CKAP5: variants seen among roughly 807,000 people sequenced by gnomAD.
CKAP5 encodes the protein cytoskeleton-associated protein 5.
CKAP5 carries 27 observed loss-of-function variants against 232.8 expected under a neutral mutation model. The ratio of observed to expected loss-of-function variants is 0.12; its 90% confidence interval spans 0.09 to 0.16. The LOEUF (loss-of-function observed/expected upper bound fraction) is 0.16, where lower values mean the gene tolerates loss of function less well. CKAP5 is among the 10% of genes least tolerant of loss of function. The probability of loss-of-function intolerance (pLI) is 1.00; values close to 1 mark genes in which losing one functional copy is unlikely to be tolerated. For missense variants in CKAP5, 1,838 were observed against 2,424.7 expected, an observed-to-expected ratio of 0.76 and a Z score of 5.08; for synonymous variants, 785 against 841.1, an observed-to-expected ratio of 0.93 and a Z score of 1.16.
chr11:46,745,039 G>A (rs577481474), intron 42 of CKAP5, among the ~76,000 whole-genome samples: 75 of 152,312 alleles, frequency 4.9e-4, no homozygotes, highest in African/African-American at 1.7e-3. Context: ...GTGTATTCAT[G>A]GGGAAGAGAA....
intron 3 of CKAP5, among the ~76,000 whole-genome samples, chr11:46,816,639 A>C (rs1272874276): frequency 5.9e-5 from 9 of 152,336 alleles, no homozygotes. Flanking sequence ...CAAACAAAAA[A>C]TTAAAGATCC....
At chr11:46,813,359 T>C (rs1053906889) in intron 4 of CKAP5, among the ~76,000 whole-genome samples, 5 of 152,138 alleles carry the variant, frequency 3.3e-5, no homozygotes, top group African/African-American at 1.2e-4. Context: ...TCCTATATAT[T>C]ATTACTGTTT....
intron 13 of CKAP5, 67 bp downstream of exon 13, chr11:46,795,527 G>T: frequency 7.5e-7 from 1 of 1,324,726 alleles, no homozygotes; most frequent in Non-Finnish European, 1.0e-6. Flanking sequence ...TAATTTTAGA[G>T]GAACAACCAC....
chr11:46,752,233 C>CA (rs1249478199), intron 38 of CKAP5, among the ~76,000 whole-genome samples: 1 of 141,094 alleles, frequency 7.1e-6, no homozygotes, highest in African/African-American at 2.6e-5. Flanking sequence ...CACACACACA[C>CA]GTGTATTATA....
Position 46,743,996 on chromosome 11 carries a change from G to A in CKAP5, c.*27C>T. 1 of 1,611,912 alleles carries A rather than the reference G, an allele frequency of 6.2e-7. No individual in the cohort carries two copies. Among genetic ancestry groups the A allele is most frequent in the Non-Finnish European group, 8.5e-7 (1 of 1,179,856 alleles). On this transcript the variant is annotated 3_prime_UTR_variant, in exon 44 of 44. Coordinates refer to ENST00000529230, the MANE Select transcript of CKAP5 (RefSeq NM_001008938.4). The stretch of plus-strand genomic sequence containing the variant: ...ACTTCTAGTTTAGTAAACTAAAGCT[G>A]CAGGGTGCCGGGGGAGTGGGGCAGC...
intron 5 of CKAP5, 137 bp downstream of exon 5, chr11:46,810,870 G>C: frequency 1.4e-6 from 1 of 732,092 alleles, no homozygotes; most frequent in Non-Finnish European, 2.1e-6. Flanking sequence ...GAGAAAGTTA[G>C]CTATGCTCAG....
At chr11:46,819,708 G>A (rs1017568292) in intron 2 of CKAP5, among the ~76,000 whole-genome samples, 2 of 151,956 alleles carry the variant, frequency 1.3e-5, no homozygotes, top group African/African-American at 2.4e-5. Flanking sequence ...ATTTGGGGCA[G>A]GTGCTATGCT....
At chr11:46,767,300 G>A (rs887583065) in intron 27 of CKAP5, among the ~76,000 whole-genome samples, 9 of 152,142 alleles carry the variant, frequency 5.9e-5, no homozygotes, top group African/African-American at 9.7e-5. Context: ...GATTACAGGC[G>A]TGAGCCACTG....
At chr11:46,746,225 T>C (rs1177379870) in intron 42 of CKAP5, among the ~76,000 whole-genome samples, 3 of 152,076 alleles carry the variant, frequency 2.0e-5, no homozygotes, top group African/African-American at 4.8e-5. Context: ...ACTTTTGCAG[T>C]TGGGTCTGTC....
chr11:46,811,510 C>T (rs961209713), intron 4 of CKAP5, among the ~76,000 whole-genome samples: 2 of 151,880 alleles, frequency 1.3e-5, no homozygotes, highest in Non-Finnish European at 2.9e-5. Context: ...GCATTTTGCT[C>T]TTGTTGCCCA....
intron 13 of CKAP5, among the ~76,000 whole-genome samples, chr11:46,793,854 G>T (rs552878099): frequency 3.3e-5 from 5 of 152,252 alleles, no homozygotes; most frequent in East Asian, 1.9e-4. Context: ...TTGAACCTAG[G>T]GGGTGGAGGT....
At chr11:46,837,840 TG>T (rs959485037) in intron 1 of CKAP5, among the ~76,000 whole-genome samples, 2 of 152,132 alleles carry the variant, frequency 1.3e-5, no homozygotes, top group African/African-American at 4.8e-5. Context: ...AACTAATAAA[TG>T]GGAAAGGAGA....
intron 1 of CKAP5, among the ~76,000 whole-genome samples, chr11:46,845,829 T>G (rs1397142457): frequency 6.6e-6 from 1 of 152,198 alleles, no homozygotes; most frequent in African/African-American, 2.4e-5. Context: ...CGCTTACTTA[T>G]TCATTCACTT....
chr11:46,835,762 T>C (rs1939902675), intron 1 of CKAP5, among the ~76,000 whole-genome samples: 1 of 152,196 alleles, frequency 6.6e-6, no homozygotes, highest in South Asian at 2.1e-4. Flanking sequence ...AAGTGGAATC[T>C]AATCCCTTCA....
At chr11:46,811,323 G>T in intron 4 of CKAP5, 145 bp from the exon 5 acceptor site, 1 of 638,044 alleles carries the variant, frequency 1.6e-6, no homozygotes, top group South Asian at 2.4e-5. Context: ...CAAAAGAAAA[G>T]GAACTCATAA....
Position 46,803,563 on chromosome 11 carries a change from C to A in CKAP5, c.979-2259G>T, listed in dbSNP as rs372868957. The stretch of plus-strand genomic sequence containing the variant: ...GATTACAGATGTGACCTACTGTACC[C>A]AGCCAGATTCTAAAAATTAAATAAA... On this transcript the variant is annotated intron_variant, in intron 8 of 43. Transcript: ENST00000529230. 9.9e-5 allele frequency among the ~76,000 whole-genome samples: 15 copies of A among 152,232 alleles called. 2 individuals carry two copies. Among genetic ancestry groups the A allele is most frequent in the Admixed American group, 7.2e-4 (11 of 15,288 alleles).
chr11:46,822,741 CAAAAAAAAAAAA>C (rs57170422), intron 1 of CKAP5, among the ~76,000 whole-genome samples: 1 of 77,876 alleles, frequency 1.3e-5, no homozygotes, highest in African/African-American at 5.0e-5. Context: ...GACTCCGTCC[CAAAAAAAAAAAA>C]AAAAAAAAAA....
intron 28 of CKAP5, among the ~76,000 whole-genome samples, chr11:46,763,986 C>G (rs1411663806): frequency 6.6e-6 from 1 of 152,176 alleles, no homozygotes; most frequent in Middle Eastern, 3.4e-3. Context: ...CAGACATGCA[C>G]CACTATGCCC....
intron 1 of CKAP5, among the ~76,000 whole-genome samples, chr11:46,838,844 C>T (rs990927747): frequency 8.8e-6 from 1 of 114,232 alleles, no homozygotes; most frequent in Non-Finnish European, 1.9e-5. Context: ...ATTGTCGCAA[C>T]ATTTTTAGAA....
Sources: allele counts gnomAD v4.1 joint callset (sites outside exome capture counted in the v4.1 genomes callset), GRCh38; gene constraint gnomAD v4.1.1; transcripts MANE v1.5; gene names NCBI Gene and HGNC (gene_info 2026-07-23, HGNC 2026-07-21).